The following LY96 variants were observed in gnomAD, a reference collection of about 807,000 sequenced individuals.
The protein encoded by LY96 is myeloid differentiation protein-2.
In LY96, 18 loss-of-function variants were observed where a neutral mutation model predicts 18.9. That is an observed-to-expected ratio of 0.95 (90% CI 0.66 to 1.41). The LOEUF is 1.41. Ranked by LOEUF, LY96 falls within the 40% of genes most tolerant of loss-of-function variation. The pLI is 0.00. For missense variants in LY96, 175 were observed against 182.4 expected (o/e 0.96, Z 0.23); for synonymous variants, 66 against 62.6 (o/e 1.06, Z -0.26).
chr8:74,007,144 A>G (rs990197901), intron 2 of LY96, among the ~76,000 whole-genome samples: 10 of 152,228 alleles, frequency 6.6e-5, no homozygotes, highest in African/African-American at 2.4e-4. Flanking sequence ...TAAGAGACCC[A>G]TGACAGGCGG....
intron 3 of LY96, among the ~76,000 whole-genome samples, chr8:74,019,555 C>T (rs1816716154): frequency 6.6e-6 from 1 of 152,182 alleles, no homozygotes; most frequent in African/African-American, 2.4e-5. Context: ...AGGGAATCCT[C>T]CCTAACTCAT....
chr8:74,095,324 C>T, the LY96 span, among the ~76,000 whole-genome samples: 2 of 152,152 alleles, frequency 1.3e-5, no homozygotes, highest in Non-Finnish European at 2.9e-5. Flanking sequence ...AAAGCCTTTT[C>T]CTACACGCAC....
the LY96 span, among the ~76,000 whole-genome samples, chr8:74,092,811 G>C: frequency 2.0e-5 from 3 of 152,034 alleles, no homozygotes; most frequent in Non-Finnish European, 2.9e-5. Context: ...CCTGAATCCT[G>C]TTCATCTTAT....
chr8:74,097,959 C>A, the LY96 span, among the ~76,000 whole-genome samples: 1 of 152,170 alleles, frequency 6.6e-6, no homozygotes, highest in African/African-American at 2.4e-5. Flanking sequence ...GCCTGGAACA[C>A]AACAAGTACT....
the LY96 span, among the ~76,000 whole-genome samples, chr8:74,071,700 G>C: frequency 1.3e-5 from 2 of 152,052 alleles, no homozygotes; most frequent in Admixed American, 6.6e-5. Flanking sequence ...GCAAAAATAT[G>C]GTTTTAGCAC....
chr8:74,034,885 A>C, the LY96 span, among the ~76,000 whole-genome samples: 1 of 152,154 alleles, frequency 6.6e-6, no homozygotes, highest in Non-Finnish European at 1.5e-5. Context: ...GGATGGGTAC[A>C]AAGATGCCTA....
At chr8:74,078,823 A>G in the LY96 span, among the ~76,000 whole-genome samples, 1 of 152,244 alleles carries the variant, frequency 6.6e-6, no homozygotes, top group African/African-American at 2.4e-5. Flanking sequence ...AAAAAATTAG[A>G]GAACAATACT....
the LY96 span, among the ~76,000 whole-genome samples, chr8:74,077,513 T>C: frequency 6.6e-6 from 1 of 152,082 alleles, no homozygotes; most frequent in Non-Finnish European, 1.5e-5. Flanking sequence ...TTTGCTCCAG[T>C]AATGTGACAG....
chr8:74,070,747 T>A, the LY96 span, among the ~76,000 whole-genome samples: 2 of 151,650 alleles, frequency 1.3e-5, no homozygotes, highest in Non-Finnish European at 2.9e-5. Context: ...TAAAAAAAAA[T>A]TAATTATTAT....
chr8:74,019,214 G>T (rs950286926), intron 3 of LY96, among the ~76,000 whole-genome samples: 1 of 151,870 alleles, frequency 6.6e-6, no homozygotes, highest in Non-Finnish European at 1.5e-5. Flanking sequence ...TCAAATAGAC[G>T]CAATAAAAAA....
At chr8:74,077,182 T>C in the LY96 span, among the ~76,000 whole-genome samples, 1 of 152,218 alleles carries the variant, frequency 6.6e-6, no homozygotes, top group African/African-American at 2.4e-5. Context: ...CATCTTGATG[T>C]ATTCACCAAC....
At chr8:74,088,579 T>G in the LY96 span, among the ~76,000 whole-genome samples, 2 of 151,968 alleles carry the variant, frequency 1.3e-5, no homozygotes, top group African/African-American at 4.8e-5. Context: ...CTGGGAACCC[T>G]CCTGAGTATT....
the LY96 span, among the ~76,000 whole-genome samples, chr8:74,068,100 A>G: frequency 7.2e-6 from 1 of 138,798 alleles, no homozygotes; most frequent in African/African-American, 2.8e-5. Flanking sequence ...ATATATATAT[A>G]TAACATTTCC....
At chr8:74,023,178 C>T (rs1479302762) in intron 3 of LY96, among the ~76,000 whole-genome samples, 1 of 152,158 alleles carries the variant, frequency 6.6e-6, no homozygotes, top group Non-Finnish European at 1.5e-5. Flanking sequence ...CCATGGGATC[C>T]CCTCCCCTCT....
chr8:74,002,896 G>A (rs1426000178), intron 1 of LY96, among the ~76,000 whole-genome samples: 1 of 152,032 alleles, frequency 6.6e-6, no homozygotes. Flanking sequence ...ATTTCTGTGT[G>A]GTCCTTTAAA....
chr8:74,061,148 T>C, the LY96 span, among the ~76,000 whole-genome samples: 25 of 152,236 alleles, frequency 1.6e-4, no homozygotes, highest in African/African-American at 2.4e-5. Flanking sequence ...ATCGCTGTTA[T>C]AGACTGAATG....
rs1400762815 is a variant in LY96, at chr8:74,009,889, T to C, written c.203-112T>C. 6.5e-6 allele frequency: 5 copies of C among 765,158 alleles called. No individual in the cohort carries two copies. The African/African-American group carries it at 7.1e-5, about 11-fold the overall frequency. The allele number at this position is 765,158 out of a possible 1,614,324, so 47.4% of individuals were successfully genotyped here. On this transcript the variant is annotated intron_variant, in intron 2 of 4. Transcript: ENST00000284818. ...CTTGTAGATAGTTGTGATGATTAAA[T>C]GAAATAATGTAAGAAAAGCACAGGG...
At chr8:74,076,147 G>A in the LY96 span, among the ~76,000 whole-genome samples, 1 of 152,042 alleles carries the variant, frequency 6.6e-6, no homozygotes, top group Non-Finnish European at 1.5e-5. Flanking sequence ...CCTTGAAGGA[G>A]CTGAGAGCTG....
intron 1 of LY96, among the ~76,000 whole-genome samples, chr8:73,996,372 C>CATTT (rs756373007): frequency 1.2e-3 from 138 of 111,004 alleles, no homozygotes; most frequent in African/African-American, 4.2e-3. Context: ...TTCCTTCATT[C>CATTT]CTTTCTTTCT....
Sources: allele counts gnomAD v4.1 joint callset (sites outside exome capture counted in the v4.1 genomes callset), GRCh38; gene constraint gnomAD v4.1.1; transcripts MANE v1.5; gene names NCBI Gene and HGNC (gene_info 2026-07-23, HGNC 2026-07-21).